FRMD3: variants seen among roughly 807,000 people sequenced by gnomAD.
FRMD3 encodes FERM domain-containing protein 3.
FRMD3 carries 33 observed loss-of-function variants against 70.2 expected under a neutral mutation model. The observed-to-expected ratio is 0.47, with a 90% CI of 0.36 to 0.63. FRMD3 has a LOEUF of 0.63. Ranked by LOEUF, FRMD3 falls within the 20% of genes least tolerant of loss-of-function variation. The pLI, the probability that FRMD3 is intolerant of heterozygous loss-of-function variation, is 0.00. For missense variants in FRMD3, 632 were observed against 711.4 expected, an observed-to-expected ratio of 0.89 and a Z score of 1.27; for synonymous variants, 279 against 255.9, an observed-to-expected ratio of 1.09 and a Z score of -0.86.
the FRMD3 span, among the ~76,000 whole-genome samples, chr9:83,549,978 C>T: frequency 0.02 from 3,023 of 152,174 alleles, 57 homozygotes; most frequent in Non-Finnish European, 0.028. Context: ...TCAATTTTTA[C>T]TTTTGTTGCA....
intron 4 of FRMD3, among the ~76,000 whole-genome samples, chr9:83,344,943 G>A (rs1325201033): frequency 6.6e-6 from 1 of 150,596 alleles, no homozygotes; most frequent in Non-Finnish European, 1.5e-5. Context: ...TCAGCCACAG[G>A]AAGAGCGACA....
intron 6 of FRMD3, among the ~76,000 whole-genome samples, chr9:83,326,049 G>T (rs7858141): frequency 2.0e-5 from 3 of 151,918 alleles, no homozygotes; most frequent in African/African-American, 7.3e-5. Flanking sequence ...CTAGTTGACC[G>T]GGTATAAAAA....
chr9:83,403,207 C>G (rs765550519), intron 1 of FRMD3, among the ~76,000 whole-genome samples: 4 of 151,984 alleles, frequency 2.6e-5, no homozygotes, highest in Non-Finnish European at 4.4e-5. Context: ...CTCAGCAAGA[C>G]TCTCAATTGT....
intron 1 of FRMD3, among the ~76,000 whole-genome samples, chr9:83,474,086 TTATC>T (rs1430261233): frequency 6.6e-6 from 1 of 152,194 alleles, no homozygotes; most frequent in African/African-American, 2.4e-5. Context: ...TACATACACA[TTATC>T]TATGCATATA....
the FRMD3 span, among the ~76,000 whole-genome samples, chr9:83,557,787 G>A: frequency 1.3e-5 from 2 of 152,146 alleles, no homozygotes; most frequent in Admixed American, 1.3e-4. Context: ...ACACTGCAGG[G>A]GGTTGTGCAC....
At chr9:83,545,165 A>G in the FRMD3 span, among the ~76,000 whole-genome samples, 1 of 152,288 alleles carries the variant, frequency 6.6e-6, no homozygotes, top group Admixed American at 6.5e-5. Context: ...TGAAAAATTT[A>G]CTAAGGAAAA....
intron 3 of FRMD3, among the ~76,000 whole-genome samples, chr9:83,363,646 CG>C (rs1471557760): frequency 2.6e-4 from 39 of 151,682 alleles, no homozygotes; most frequent in Middle Eastern, 3.4e-3. Flanking sequence ...CTCCGCCCCC[CG>C]GGGTTCACGC....
At chr9:83,385,125 T>A (rs1432792227) in intron 2 of FRMD3, among the ~76,000 whole-genome samples, 2 of 151,914 alleles carry the variant, frequency 1.3e-5, no homozygotes, top group Non-Finnish European at 2.9e-5. Flanking sequence ...CAAAACTTCA[T>A]CTTTCCAAAG....
At chr9:83,460,165 C>T (rs1228492855) in intron 1 of FRMD3, among the ~76,000 whole-genome samples, 2 of 152,194 alleles carry the variant, frequency 1.3e-5, no homozygotes, top group Admixed American at 1.3e-4. Flanking sequence ...CTACTCTTTC[C>T]CTGCCTCAGT....
intron 1 of FRMD3, among the ~76,000 whole-genome samples, chr9:83,391,478 G>C (rs2131300282): frequency 1.3e-5 from 2 of 152,294 alleles, no homozygotes; most frequent in Middle Eastern, 3.4e-3. Flanking sequence ...ATGTACTATA[G>C]GGAAGTATTC....
intron 1 of FRMD3, among the ~76,000 whole-genome samples, chr9:83,426,578 A>G (rs966918947): frequency 4.6e-5 from 7 of 152,216 alleles, no homozygotes; most frequent in Admixed American, 1.3e-4. Context: ...CTTGCTGGAA[A>G]TGCAGAATCT....
chr9:83,354,075 C>A (rs1412126100), intron 3 of FRMD3, among the ~76,000 whole-genome samples: 3 of 152,108 alleles, frequency 2.0e-5, no homozygotes, highest in Non-Finnish European at 2.9e-5. Flanking sequence ...CAGGTACCCA[C>A]CACAATGCCT....
chr9:83,372,970 A>G lies in FRMD3; in HGVS notation c.253-15T>C, dbSNP rs764851079. On this transcript the variant is annotated splice_polypyrimidine_tract_variant and intron_variant, in intron 2 of 13. Coordinates refer to ENST00000304195, the MANE Select transcript of FRMD3 (RefSeq NM_174938.6). ...TCAAGCCAGTGCTAGGGAGGAAAAA[A>G]AAAAAAGCAGAGATCAGGGGTCAAA... 9.3e-6 allele frequency: 15 copies of G among 1,610,272 alleles called. No individual in the cohort carries two copies. In the South Asian group the frequency reaches 1.5e-4, roughly 17 times the overall value.
At chr9:83,541,420 G>C (rs1383444862), upstream of FRMD3, among the ~76,000 whole-genome samples, 3 of 152,214 alleles carry the variant, frequency 2.0e-5, no homozygotes, top group Non-Finnish European at 2.9e-5. Context: ...ACATGTACAG[G>C]AAAAGATCCA....
In FRMD3 at chr9:83,453,938, A is replaced by G. The variant is rs543474734; in HGVS notation, c.148-64230T>C. On this transcript the variant is annotated intron_variant, in intron 1 of 13. Transcript: ENST00000304195. Reference sequence around the variant, plus strand: ...TGCCGTGTTAGCCAGGATGGTCTCGATCTCCTGACCTCGTGATCCATCTGC... The same window carrying G: ...TGCCGTGTTAGCCAGGATGGTCTCGGTCTCCTGACCTCGTGATCCATCTGC... 4.6e-5 allele frequency among the ~76,000 whole-genome samples: 7 copies of G among 152,050 alleles called. No homozygotes were observed. The East Asian group carries it at 1.4e-3, about 29-fold the overall frequency.
intron 1 of FRMD3, among the ~76,000 whole-genome samples, chr9:83,441,433 T>C (rs976980612): frequency 4.6e-5 from 7 of 152,146 alleles, no homozygotes; most frequent in Admixed American, 3.9e-4. Context: ...CTCCTGGATC[T>C]AAATGATGCC....
intron 1 of FRMD3, among the ~76,000 whole-genome samples, chr9:83,472,542 C>T (rs1199634370): frequency 2.0e-5 from 3 of 152,158 alleles, no homozygotes; most frequent in East Asian, 1.9e-4. Flanking sequence ...GAAAGTAGAA[C>T]ACCACCCAAA....
At position 83,267,319 on chromosome 9, in the gene FRMD3, G is replaced by A. The variant is rs1833314976; in HGVS notation, c.1196-18803C>T. 4.9e-6 allele frequency: 7 copies of A among 1,425,472 alleles called. No homozygotes were observed. In the South Asian group the frequency reaches 9.4e-5, roughly 19 times the overall value. The allele number at this position is 1,425,472 out of a possible 1,614,324, so 88.3% of individuals were successfully genotyped here. A position where few individuals can be genotyped will look rare whatever the true frequency, so the allele number is the denominator to read the frequency against. ...ATCAGCATTGGGAGGGGAGGAGGGA[G>A]GGGACGCTATTTTTAAACTCTCCAC... On this transcript the variant is annotated intron_variant, in intron 13 of 13. Transcript: ENST00000304195.
In FRMD3 at chr9:83,333,506, T is replaced by C. The variant is rs191199598; in HGVS notation, c.596+2010A>G. Among the ~76,000 whole-genome samples, 420 of 152,352 alleles carry C rather than the reference T, an allele frequency of 2.8e-3. 2 individuals are homozygous for C. The highest frequency in any genetic ancestry group is 6.8e-3 in the Middle Eastern group (2 of 294). ...GCTTTCTGAATGTTAATAAAACAAC[T>C]TGGAATCTTCTGTGATTCACTCATT... On this transcript the variant is annotated intron_variant, in intron 6 of 13. Coordinates refer to ENST00000304195, the MANE Select transcript of FRMD3 (RefSeq NM_174938.6).
Sources: allele counts gnomAD v4.1 joint callset (sites outside exome capture counted in the v4.1 genomes callset), GRCh38; gene constraint gnomAD v4.1.1; transcripts MANE v1.5; gene names NCBI Gene and HGNC (gene_info 2026-07-23, HGNC 2026-07-21).